SLC19A1: variants seen among roughly 807,000 people sequenced by gnomAD.
SLC19A1 encodes the protein reduced folate transporter.
SLC19A1 carries 37 observed loss-of-function variants against 35.3 expected under a neutral mutation model. The observed-to-expected ratio is 1.05, with a 90% CI of 0.81 to 1.38. The LOEUF is 1.38. Among genes scored for constraint, SLC19A1 ranks in the 40% most tolerant of loss-of-function variants. The probability of loss-of-function intolerance (pLI) is 0.00; values close to 1 mark genes in which losing one functional copy is unlikely to be tolerated. For missense variants in SLC19A1, 831 were observed against 826.9 expected, an observed-to-expected ratio of 1.00 and a Z score of -0.06; for synonymous variants, 460 against 398.5, an observed-to-expected ratio of 1.15 and a Z score of -1.84.
At chr21:45,525,790 G>A (rs374524082) in intron 5 of SLC19A1, 27 bp downstream of exon 5, 16 of 1,610,634 alleles carry the variant, frequency 9.9e-6, no homozygotes, top group South Asian at 6.6e-5. Context: ...TTCCATCCCC[G>A]AGGACGCAGG....
intron 4 of SLC19A1, among the ~76,000 whole-genome samples, chr21:45,526,445 A>G (rs2146298210): frequency 1.3e-5 from 2 of 152,320 alleles, no homozygotes; most frequent in Middle Eastern, 6.8e-3. Flanking sequence ...GTTCTGGAGT[A>G]ATTTTGTGCA....
rs2146507804 is a variant in SLC19A1 at position 45,555,507 on chromosome 21, C to T, written c.-50+7235G>A. Reference sequence around the variant, plus strand: ...GGCTTGGGTGGCCATGCAGGCGACGCGGGTTGCAGGGAACGGAGGTGCAGG... The same window carrying T: ...GGCTTGGGTGGCCATGCAGGCGACGTGGGTTGCAGGGAACGGAGGTGCAGG... On this transcript the variant is annotated intron_variant, in intron 1 of 5. Coordinates refer to the SLC19A1 transcript ENST00000650808. 4.2e-5 allele frequency among the ~76,000 whole-genome samples: 3 copies of T among 71,952 alleles called. No homozygotes were observed. In the East Asian group the frequency reaches 1.5e-3, roughly 36 times the overall value. 47.2% of individuals were successfully genotyped at this position (71,952 alleles called of 152,430 possible). A position where few individuals can be genotyped will look rare whatever the true frequency, so the allele number is the denominator to read the frequency against.
At chr21:45,545,303 C>T (rs1188377406), upstream of SLC19A1, among the ~76,000 whole-genome samples, 1 of 152,142 alleles carries the variant, frequency 6.6e-6, no homozygotes, top group Non-Finnish European at 1.5e-5. Context: ...TTAGCACCAT[C>T]ACCTTGGTGA....
At chr21:45,547,573 A>T (rs969238111), upstream of SLC19A1, among the ~76,000 whole-genome samples, 1 of 152,126 alleles carries the variant, frequency 6.6e-6, no homozygotes, top group African/African-American at 2.4e-5. Flanking sequence ...TAACCTAGAC[A>T]TCCCTTTCTA....
At chr21:45,528,717 G>A (rs1318755408) in intron 4 of SLC19A1, among the ~76,000 whole-genome samples, 2 of 152,170 alleles carry the variant, frequency 1.3e-5, no homozygotes, top group Admixed American at 6.5e-5. Context: ...TGTTTTCCTC[G>A]TGTAAGAAAA....
At chr21:45,532,227 G>T (rs144336039) in intron 2 of SLC19A1, 79 bp from the exon 3 acceptor site, 1 of 1,185,660 alleles carries the variant, frequency 8.4e-7, no homozygotes, top group East Asian at 2.4e-5. Flanking sequence ...CCGAGGTGAT[G>T]GCTGCTGACG....
chr21:45,537,371 G>T (rs185949006), intron 2 of SLC19A1, among the ~76,000 whole-genome samples: 1 of 152,188 alleles, frequency 6.6e-6, no homozygotes, highest in Non-Finnish European at 1.5e-5. Flanking sequence ...CATCCAACAG[G>T]AAAAGCGCCC....
chr21:45,509,329 G>C, downstream of SLC19A1: 1 of 1,541,270 alleles, frequency 6.5e-7, no homozygotes, highest in Non-Finnish European at 8.7e-7. Flanking sequence ...TCCCCCCGCC[G>C]ACAGGCCCCA....
Position 45,533,437 on chromosome 21 carries a change from AGAGG to A in SLC19A1, c.190-1293_190-1290del, listed in dbSNP as rs1255385287. Among the ~76,000 whole-genome samples the A allele has an allele frequency of 6.6e-6, 1 of 152,186 alleles. No individual in the cohort carries two copies. The highest frequency in any genetic ancestry group is 1.5e-5 in the Non-Finnish European group (1 of 68,004). On this transcript the variant is annotated intron_variant, in intron 2 of 5. Coordinates refer to ENST00000311124, the MANE Select transcript of SLC19A1 (RefSeq NM_194255.4). This position sits in a 1 kb window ranked among gnomAD's most constrained non-coding sequence, Gnocchi z 4.5. ...ACCTGGGCACACCTGGGCACAGTCCAGAGGAAGAGGCCCCACCCCTGTGAGGCCA... is the reference window on the plus strand; with the variant it reads ...ACCTGGGCACACCTGGGCACAGTCCAAAGAGGCCCCACCCCTGTGAGGCCA...
rs572974130 is a variant in SLC19A1, at chr21:45,531,664, G to C, written c.674C>G (p.Ser225Trp). The C allele has an allele frequency of 1.6e-5, 25 of 1,612,242 alleles. No homozygotes were observed. The highest frequency in any genetic ancestry group is 1.6e-4 in the Middle Eastern group (1 of 6,080). The change falls in exon 3 of 6, where the codon TCG (serine) becomes TGG (tryptophan). Residue 225 changes from serine to tryptophan, a missense_variant. Physicochemically the swap from Ser to Trp is radical, Grantham distance 177. Coordinates refer to ENST00000311124, the MANE Select transcript of SLC19A1 (RefSeq NM_194255.4). ...DDRGRCETSA[S>W]ELERMNPGPG... ...GCCAGGATTCATGCGCTCCAGCTCC[G>C]AAGCCGAGGTTTCGCACCGCCCCCG...
chr21:45,509,268 C>T (rs1309874637), downstream of SLC19A1: 2 of 1,515,398 alleles, frequency 1.3e-6, no homozygotes, highest in East Asian at 2.5e-5. Flanking sequence ...AGCCCAGCCC[C>T]TCTCACCCAG....
upstream of SLC19A1, among the ~76,000 whole-genome samples, chr21:45,545,472 C>A (rs1371756647): frequency 1.3e-5 from 2 of 151,948 alleles, no homozygotes; most frequent in African/African-American, 4.8e-5. Context: ...TCACCAGGAG[C>A]AGATGCTGGC....
At position 45,515,751 on chromosome 21, in the gene SLC19A1, C is replaced by A. The variant is rs1381704257; in HGVS notation, c.1683G>T (p.Glu561Asp). 1.2e-5 allele frequency: 19 copies of A among 1,613,836 alleles called. No homozygotes were observed. The highest frequency in any genetic ancestry group is 1.6e-5 in the Non-Finnish European group (19 of 1,180,014). ...AQASGPEAAD[E>D]TCPQLAVHPP... is the part of the protein sequence containing the mutation. ...GATGGACAGCCAGCTGGGGACAAGT[C>A]TCATCTGCAGCCTCAGGGCCTGAGG... The change falls in exon 6 of 6, where the codon GAG (glutamate) becomes GAT (aspartate). Residue 561 changes from glutamate (E) to aspartate (D), a missense_variant. Coordinates refer to ENST00000311124, the MANE Select transcript of SLC19A1 (RefSeq NM_194255.4).
rs1280323952 is a variant in SLC19A1, at chr21:45,530,276, GGT to G, written c.1151+492_1151+493del. On this transcript the variant is annotated intron_variant, in intron 4 of 5. Coordinates refer to ENST00000311124, the MANE Select transcript of SLC19A1 (RefSeq NM_194255.4). This position sits in a 1 kb window ranked among gnomAD's most constrained non-coding sequence, Gnocchi z 5.3. ...GTGCGATATATCCATGTGTGAGTGT[GGT>G]GTGTTTGTCCATGTGTGCACGTGTG... is the stretch of plus-strand genomic sequence containing the variant. 7.9e-5 allele frequency among the ~76,000 whole-genome samples: 12 copies of G among 151,386 alleles called. No individual in the cohort carries two copies. The East Asian group carries it at 2.0e-3, about 25-fold the overall frequency.
At chr21:45,548,713 C>T (rs1425976705), upstream of SLC19A1, among the ~76,000 whole-genome samples, 1 of 152,056 alleles carries the variant, frequency 6.6e-6, no homozygotes, top group Non-Finnish European at 1.5e-5. Context: ...CTCTGCACTC[C>T]AGCCTGGGCG....
chr21:45,506,312 C>A, intron 3 of SLC19A1: 1 of 369,000 alleles, frequency 2.7e-6, no homozygotes, highest in Non-Finnish European at 5.3e-6. Flanking sequence ...GGGGCTCAGG[C>A]CCTCCAGGGC....
chr21:45,510,408 C>G (rs1440488712), downstream of SLC19A1: 5 of 935,860 alleles, frequency 5.3e-6, no homozygotes, highest in African/African-American at 8.2e-5. Flanking sequence ...TCAGGGCAGG[C>G]TCCGGGTGGG....
At chr21:45,545,687 C>T (rs75310580), upstream of SLC19A1, among the ~76,000 whole-genome samples, 409 of 152,208 alleles carry the variant, frequency 2.7e-3, 3 homozygotes, top group African/African-American at 9.5e-3. Flanking sequence ...CAGAGACATA[C>T]ACATGCATGC....
chr21:45,515,404 G>A lies in SLC19A1; in HGVS notation c.*254C>T. 1 of 1,428,254 alleles carries A rather than the reference G, an allele frequency of 7.0e-7. No individual in the cohort carries two copies. The highest frequency in any genetic ancestry group is 9.1e-7 in the Non-Finnish European group (1 of 1,101,900). The allele number at this position is 1,428,254 out of a possible 1,614,324, so 88.5% of individuals were successfully genotyped here. On this transcript the variant is annotated 3_prime_UTR_variant, in exon 6 of 6. Transcript: ENST00000311124. Reference sequence around the variant, plus strand: ...CCAGTGAGGCCTGGTGGACGCAGAAGCCCACCACCCACCTCTTCCAGCAAC... The same window carrying A: ...CCAGTGAGGCCTGGTGGACGCAGAAACCCACCACCCACCTCTTCCAGCAAC...
Sources: gnomAD v4.1 joint callset for allele counts (sites outside exome capture counted in the v4.1 genomes callset) on GRCh38, gnomAD v4.1.1 for gene constraint, Gnocchi (gnomAD v3.1) non-coding constraint, MANE v1.5 for transcripts, NCBI Gene and HGNC (gene_info 2026-07-23, HGNC 2026-07-21) for gene names.